The following POGK variants were observed in gnomAD, a reference collection of about 807,000 sequenced individuals.
POGK encodes pogo transposable element derived with KRAB domain.
In POGK, 16 loss-of-function variants were observed where a neutral mutation model predicts 54.4. The ratio of observed to expected loss-of-function variants is 0.29; its 90% CI spans 0.20 to 0.45. POGK has a LOEUF of 0.45. POGK is among the 20% of genes least tolerant of loss of function. POGK has a pLI of 1.00. For missense variants in POGK, 515 were observed against 795.6 expected, an observed-to-expected ratio of 0.65 and a Z score of 4.24; for synonymous variants, 271 against 302.2, an observed-to-expected ratio of 0.90 and a Z score of 1.07.
chr1:166,842,854 C>CACAT (rs1395127683), intron 2 of POGK, among the ~76,000 whole-genome samples: 2 of 152,122 alleles, frequency 1.3e-5, no homozygotes, highest in Non-Finnish European at 2.9e-5. Flanking sequence ...CACACACACA[C>CACAT]ACACATACAC....
At chr1:166,847,350 T>C in intron 3 of POGK, 144 bp from the exon 4 acceptor site, 1 of 612,974 alleles carries the variant, frequency 1.6e-6, no homozygotes, top group South Asian at 2.4e-5. Flanking sequence ...CATTATCTTT[T>C]TTCTTTAAGT....
At position 166,854,660 on chromosome 1, in the gene POGK, G is replaced by A. The variant is rs1658215999; in HGVS notation, c.*2090G>A. 1 of 152,150 alleles carries A rather than the reference G, an allele frequency of 6.6e-6. No homozygotes were observed. Among genetic ancestry groups the A allele is most frequent in the Non-Finnish European group, 1.5e-5 (1 of 68,020 alleles). 9.4% of individuals were successfully genotyped at this position (152,150 alleles called of 1,614,324 possible). On this transcript the variant is annotated 3_prime_UTR_variant, in exon 6 of 6. Transcript: ENST00000367876. The stretch of plus-strand genomic sequence containing the variant: ...GACACAGGGAAGAACGTGTGCAGTG[G>A]GGCAAGTTTGACATAAATAGCTTTT...
chr1:166,853,437 T>C lies in POGK; in HGVS notation c.*867T>C, dbSNP rs1317460079. Reference sequence around the variant, plus strand: ...TGTTGTCTACATGGTACAAGGCCCATTGACTCATCTGATGCTTGTTTTGTT... The same window carrying C: ...TGTTGTCTACATGGTACAAGGCCCACTGACTCATCTGATGCTTGTTTTGTT... On this transcript the variant is annotated 3_prime_UTR_variant, in exon 6 of 6. Coordinates refer to ENST00000367876, the MANE Select transcript of POGK (RefSeq NM_017542.5). 6.6e-6 allele frequency: 1 copy of C among 152,660 alleles called. No individual in the cohort carries two copies. The highest frequency in any genetic ancestry group is 2.4e-5 in the African/African-American group (1 of 41,466). The allele number at this position is 152,660 out of a possible 1,614,324, so 9.5% of individuals were successfully genotyped here.
At position 166,849,572 on chromosome 1, in the gene POGK, G is replaced by A. The variant is rs1482573643; in HGVS notation, c.993G>A (p.Leu331=). 2.5e-6 allele frequency: 4 copies of A among 1,614,278 alleles called. No homozygotes were observed. In the South Asian group the frequency reaches 4.4e-5, roughly 18 times the overall value. Residue 331 remains leucine, a synonymous_variant, in exon 5 of 6, where the codon CTG becomes CTA. Transcript: ENST00000367876. ...ATAAAGTGCCCGTGCCCCAGCACCT[G>A]CCGGAAGACCTGACTGAGAAACTCG... ...LRHKVPVPQH[L]PEDLTEKLVT... is the part of the protein sequence containing the mutation.
At position 166,855,944 on chromosome 1, in the gene POGK, A is replaced by AGT. The variant is rs1658259161; in HGVS notation, c.*3375_*3376dup. The stretch of plus-strand genomic sequence containing the variant: ...TTCCAAGCCCTAAAAATTCTTACGT[A>AGT]GTTTCTCACCTAAAACTAATGGCTT... On this transcript the variant is annotated 3_prime_UTR_variant, in exon 6 of 6. Transcript: ENST00000367876. 1 of 152,210 alleles carries AGT rather than the reference A, an allele frequency of 6.6e-6. No homozygotes were observed. The highest frequency in any genetic ancestry group is 1.5e-5 in the Non-Finnish European group (1 of 68,048). 9.4% of individuals were successfully genotyped at this position (152,210 alleles called of 1,614,324 possible). A position where few individuals can be genotyped will look rare whatever the true frequency, so the allele number is the denominator to read the frequency against.
chr1:166,845,234 T>C (rs1005389800), intron 2 of POGK, among the ~76,000 whole-genome samples: 1 of 151,748 alleles, frequency 6.6e-6, no homozygotes, highest in Non-Finnish European at 1.5e-5. Context: ...GGCTTGTGCC[T>C]CTAATCCCAG....
Position 166,854,603 on chromosome 1 carries a change from G to GTA in POGK, c.*2033_*2034insTA, listed in dbSNP as rs1399584160. 6.6e-6 allele frequency: 1 copy of GTA among 152,194 alleles called. No homozygotes were observed. The highest frequency in any genetic ancestry group is 2.4e-5 in the African/African-American group (1 of 41,454). 9.4% of individuals were successfully genotyped at this position (152,194 alleles called of 1,614,324 possible). A position where few individuals can be genotyped will look rare whatever the true frequency, so the allele number is the denominator to read the frequency against. ...TCTTTCAGTCAAAAAGTGTTCATGA[G>GTA]ATGCAGTGTAAGTAATATTGGTATC... On this transcript the variant is annotated 3_prime_UTR_variant, in exon 6 of 6. Transcript: ENST00000367876.
In POGK at chr1:166,854,508, T is replaced by C. The variant is rs989807226; in HGVS notation, c.*1938T>C. 1 of 152,226 alleles carries C rather than the reference T, an allele frequency of 6.6e-6. No individual in the cohort carries two copies. Among genetic ancestry groups the C allele is most frequent in the Non-Finnish European group, 1.5e-5 (1 of 68,032 alleles). The allele number at this position is 152,226 out of a possible 1,614,324, so 9.4% of individuals were successfully genotyped here. A position where few individuals can be genotyped will look rare whatever the true frequency, so the allele number is the denominator to read the frequency against. On this transcript the variant is annotated 3_prime_UTR_variant, in exon 6 of 6. Coordinates refer to ENST00000367876, the MANE Select transcript of POGK (RefSeq NM_017542.5). ...GATTTTATTTCTTTACCTATTAGCA[T>C]TGTGAAAAGTTACATTCAAGGTATT...
intron 4 of POGK, 56 bp from the exon 5 acceptor site, chr1:166,848,882 G>A (rs907483954): frequency 2.0e-6 from 3 of 1,531,862 alleles, no homozygotes; most frequent in Non-Finnish European, 1.8e-6. Context: ...AAAAATCAGG[G>A]TATAAGCCAT....
chr1:166,844,690 T>A (rs975260919), intron 2 of POGK, among the ~76,000 whole-genome samples: 26 of 152,226 alleles, frequency 1.7e-4, no homozygotes, highest in Admixed American at 6.5e-5. Flanking sequence ...CTACAGGAAG[T>A]GTCCTCGGCT....
rs1657379729 is a variant in POGK, at chr1:166,839,568, G to C, written c.-39G>C. ...CTGTGACAGCCGGGCCGGAGCCCTC[G>C]CGTCCCCACCCCGCGCCCTGGCCGC... On this transcript the variant is annotated 5_prime_UTR_variant, in exon 1 of 6. Transcript: ENST00000367876. 1 of 149,864 alleles carries C rather than the reference G, an allele frequency of 6.7e-6. No homozygotes were observed. The highest frequency in any genetic ancestry group is 6.6e-5 in the Admixed American group (1 of 15,090). 9.3% of individuals were successfully genotyped at this position (149,864 alleles called of 1,614,324 possible).
Position 166,849,494 on chromosome 1 carries a change from A to G in POGK, c.915A>G (p.Ala305=), listed in dbSNP as rs41269682. 5.6e-6 allele frequency: 9 copies of G among 1,614,258 alleles called. No homozygotes were observed. Among genetic ancestry groups the G allele is most frequent in the Non-Finnish European group, 5.9e-6 (7 of 1,180,042 alleles). ...EMNIPEKGFK[A]SLGWCRRMMR... Reference sequence around the variant, plus strand: ...ACATTCCAGAGAAAGGGTTCAAGGCAAGCTTGGGTTGGTGTCGAAGAATGA... The same window carrying G: ...ACATTCCAGAGAAAGGGTTCAAGGCGAGCTTGGGTTGGTGTCGAAGAATGA... The change falls in exon 5 of 6, where the codon GCA becomes GCG. Residue 305 remains alanine (A), a synonymous_variant. Coordinates refer to ENST00000367876, the MANE Select transcript of POGK (RefSeq NM_017542.5).
chr1:166,849,434 G>C lies in POGK; in HGVS notation c.855G>C (p.Met285Ile). The C allele has an allele frequency of 6.2e-7, 1 of 1,614,242 alleles. No homozygotes were observed. Among genetic ancestry groups the C allele is most frequent in the Non-Finnish European group, 8.5e-7 (1 of 1,180,044 alleles). Residue 285 changes from methionine to isoleucine, a missense_variant, in exon 5 of 6, where the codon ATG becomes ATC. Coordinates refer to ENST00000367876, the MANE Select transcript of POGK (RefSeq NM_017542.5). ...GGGACCCCATCACCCGGGAGGCGAT[G>C]CAGCTGAAAGCTCTCGAAATCGCCC... ...AKGDPITREA[M>I]QLKALEIAQE...
chr1:166,842,970 G>T (rs1423342711), intron 2 of POGK, among the ~76,000 whole-genome samples: 1 of 152,074 alleles, frequency 6.6e-6, no homozygotes, highest in Non-Finnish European at 1.5e-5. Context: ...TATGTATTTT[G>T]GTTATAGAGA....
Position 166,839,505 on chromosome 1 carries a change from C to T in POGK, c.-102C>T, listed in dbSNP as rs1180177781. On this transcript the variant is annotated 5_prime_UTR_variant, in exon 1 of 6. Transcript: ENST00000367876. The stretch of plus-strand genomic sequence containing the variant: ...TCCTCCCCGCTCCCTCCCGAGGGGC[C>T]GCGCGCACGGGAGGACGGAGAGGCG... 6.6e-6 allele frequency: 1 copy of T among 151,752 alleles called. No individual in the cohort carries two copies. Among genetic ancestry groups the T allele is most frequent in the Non-Finnish European group, 1.5e-5 (1 of 67,902 alleles). The allele number at this position is 151,752 out of a possible 1,614,324, so 9.4% of individuals were successfully genotyped here.
chr1:166,847,908 C>T (rs1427038357), intron 4 of POGK, among the ~76,000 whole-genome samples: 4 of 152,088 alleles, frequency 2.6e-5, no homozygotes, highest in Non-Finnish European at 4.4e-5. Context: ...CCCTCAGTGG[C>T]GTACCATGTG....
At chr1:166,852,110 A>T (rs558359286) in intron 5 of POGK, 1 of 152,302 alleles carries the variant, frequency 6.6e-6, no homozygotes, top group East Asian at 1.9e-4. Context: ...GAGAAACCCC[A>T]TGAATCCAGC....
At chr1:166,840,450 A>G (rs376534018) in intron 1 of POGK, 4 of 152,722 alleles carry the variant, frequency 2.6e-5, no homozygotes, top group African/African-American at 4.8e-5. Context: ...AATCCAGGCA[A>G]TGGGCCTACT....
At chr1:166,846,817 C>A in intron 3 of POGK, 79 bp downstream of exon 3, 2 of 1,552,012 alleles carry the variant, frequency 1.3e-6, no homozygotes. Flanking sequence ...TCTGGTATAT[C>A]CAATGTCCCT....
Sources: allele counts gnomAD v4.1 joint callset (sites outside exome capture counted in the v4.1 genomes callset), GRCh38; gene constraint gnomAD v4.1.1; transcripts MANE v1.5; gene names NCBI Gene and HGNC (gene_info 2026-07-23, HGNC 2026-07-21).